Variants in TDRD3 observed in about 807,000 individuals in gnomAD.
TDRD3 encodes tudor domain-containing protein 3.
In TDRD3, 45 loss-of-function variants were observed where a neutral mutation model predicts 86.7. The observed-to-expected ratio is 0.52, with a 90% confidence interval of 0.41 to 0.67. The LOEUF (loss-of-function observed/expected upper bound fraction) is 0.67. TDRD3 is among the 30% of genes least tolerant of loss of function. The pLI is 0.00. For missense variants in TDRD3, 814 were observed against 889.0 expected (o/e 0.92, Z 1.07); for synonymous variants, 298 against 301.7 (o/e 0.99, Z 0.13).
At chr13:60,474,966 G>T (rs1032788405) in intron 5 of TDRD3, among the ~76,000 whole-genome samples, 1 of 151,716 alleles carries the variant, frequency 6.6e-6, no homozygotes. Flanking sequence ...TTTTTCTTAA[G>T]TGTTTTAAGG....
At chr13:60,412,194 T>A (rs1195033728) in intron 1 of TDRD3, among the ~76,000 whole-genome samples, 1 of 152,216 alleles carries the variant, frequency 6.6e-6, no homozygotes, top group Non-Finnish European at 1.5e-5. Flanking sequence ...TAACAGAGTT[T>A]GTGGATTGGC....
intron 13 of TDRD3, among the ~76,000 whole-genome samples, 183 bp downstream of exon 13, chr13:60,567,833 C>T (rs1958499406): frequency 6.6e-6 from 1 of 152,048 alleles, no homozygotes; most frequent in South Asian, 2.1e-4. Context: ...AAGCGATTCT[C>T]CTGCCTCAGC....
chr13:60,403,134 A>ATTT (rs11393806), intron 1 of TDRD3, among the ~76,000 whole-genome samples: 2 of 146,214 alleles, frequency 1.4e-5, no homozygotes, highest in Admixed American at 6.8e-5. Flanking sequence ...GTTTGCAGTG[A>ATTT]TTTTTTTTTT....
intron 12 of TDRD3, among the ~76,000 whole-genome samples, chr13:60,558,823 A>C (rs1056278236): frequency 8.5e-5 from 13 of 152,110 alleles, no homozygotes; most frequent in African/African-American, 3.1e-4. Context: ...AACAAAAAAA[A>C]TGGTAACAAT....
At chr13:60,555,003 A>C (rs1186386544) in intron 12 of TDRD3, among the ~76,000 whole-genome samples, 3 of 152,164 alleles carry the variant, frequency 2.0e-5, no homozygotes, top group Non-Finnish European at 4.4e-5. Flanking sequence ...CATGTCATTC[A>C]ATTTTCCTTT....
intron 5 of TDRD3, among the ~76,000 whole-genome samples, chr13:60,481,683 G>A (rs746205470): frequency 1.5e-4 from 23 of 151,488 alleles, no homozygotes; most frequent in South Asian, 4.2e-4. Flanking sequence ...GCTGTTTAAC[G>A]CCCTATTTAT....
intron 1 of TDRD3, among the ~76,000 whole-genome samples, chr13:60,426,045 A>G (rs1168266992): frequency 6.6e-6 from 1 of 152,132 alleles, no homozygotes; most frequent in Non-Finnish European, 1.5e-5. Context: ...TGCTGCTAAC[A>G]CCCGAGTTCA....
chr13:60,434,071 C>T (rs1350695894), intron 1 of TDRD3: 1 of 152,160 alleles, frequency 6.6e-6, no homozygotes, highest in Non-Finnish European at 1.5e-5. Context: ...GACTTCTGAA[C>T]ACGACGTGAA....
At chr13:60,570,358 A>G (rs1160072408) in intron 13 of TDRD3, among the ~76,000 whole-genome samples, 1 of 152,194 alleles carries the variant, frequency 6.6e-6, no homozygotes, top group African/African-American at 2.4e-5. Context: ...ATACAATGAG[A>G]TATCACCTTA....
At chr13:60,488,108 G>C (rs1050296076) in intron 7 of TDRD3, among the ~76,000 whole-genome samples, 1 of 152,112 alleles carries the variant, frequency 6.6e-6, no homozygotes, top group Non-Finnish European at 1.5e-5. Flanking sequence ...CAGGAAAGAA[G>C]GCTTTATTTG....
intron 3 of TDRD3, among the ~76,000 whole-genome samples, chr13:60,458,931 T>TG (rs1326582705): frequency 1.3e-5 from 2 of 152,244 alleles, no homozygotes; most frequent in Non-Finnish European, 2.9e-5. Context: ...CTTATTTTAA[T>TG]GGCATTAACA....
intron 5 of TDRD3, among the ~76,000 whole-genome samples, chr13:60,472,028 G>A (rs1956084828): frequency 6.6e-6 from 1 of 151,980 alleles, no homozygotes; most frequent in South Asian, 2.1e-4. Flanking sequence ...CTTTTATCAG[G>A]TTTGAGTAGT....
In TDRD3 at chr13:60,530,993, A is replaced by C. The variant is rs989612891; in HGVS notation, c.1992+1776A>C. 7.2e-5 allele frequency among the ~76,000 whole-genome samples: 11 copies of C among 152,288 alleles called. No homozygotes were observed. In the South Asian group the frequency reaches 8.3e-4, roughly 11 times the overall value. On this transcript the variant is annotated intron_variant, in intron 11 of 13. Coordinates refer to ENST00000377881, the MANE Select transcript of TDRD3 (RefSeq NM_001146070.2). ...AGAGTGTTAGATGTTGCCTGATGAT[A>C]GAATAAGGAGGAGTACAGAGTGAAA...
chr13:60,513,884 A>G (rs1304770735), intron 10 of TDRD3, among the ~76,000 whole-genome samples: 11 of 152,212 alleles, frequency 7.2e-5, no homozygotes, highest in Admixed American at 7.2e-4. Flanking sequence ...TATCAGCAGC[A>G]AGAAAATGAA....
intron 3 of TDRD3, among the ~76,000 whole-genome samples, chr13:60,452,888 G>A (rs954703820): frequency 6.6e-6 from 1 of 150,598 alleles, no homozygotes; most frequent in African/African-American, 2.4e-5. Context: ...GTTGGTTTGT[G>A]CCTTTACTCT....
At chr13:60,409,685 T>C (rs923727222) in intron 1 of TDRD3, among the ~76,000 whole-genome samples, 2 of 152,216 alleles carry the variant, frequency 1.3e-5, no homozygotes, top group Admixed American at 1.3e-4. Context: ...ACCTGTACCC[T>C]CATTGTCTCT....
chr13:60,474,692 C>T (rs1851078804), intron 5 of TDRD3, among the ~76,000 whole-genome samples: 1 of 151,536 alleles, frequency 6.6e-6, no homozygotes, highest in African/African-American at 2.4e-5. Context: ...AAGGTCACAA[C>T]ACGTTTTAAT....
chr13:60,466,566 T>C (rs1955935519), intron 4 of TDRD3, among the ~76,000 whole-genome samples: 1 of 152,186 alleles, frequency 6.6e-6, no homozygotes, highest in African/African-American at 2.4e-5. Context: ...GGCAGGTGGA[T>C]CACCTGAGGT....
intron 8 of TDRD3, among the ~76,000 whole-genome samples, chr13:60,501,998 C>T (rs1239193028): frequency 4.6e-5 from 7 of 152,148 alleles, no homozygotes; most frequent in Admixed American, 3.9e-4. Flanking sequence ...AAGGTGGTAA[C>T]GTGTATAACC....
Sources: gnomAD v4.1 joint callset for allele counts (sites outside exome capture counted in the v4.1 genomes callset) on GRCh38, gnomAD v4.1.1 for gene constraint, MANE v1.5 for transcripts, NCBI Gene and HGNC (gene_info 2026-07-23, HGNC 2026-07-21) for gene names.